Variants in NFATC1 observed in about 807,000 individuals in gnomAD.
NFATC1 encodes the protein nuclear factor of activated T-cells, cytoplasmic 1.
In NFATC1, 22 loss-of-function variants were observed where a neutral mutation model predicts 76.0. That is an observed-to-expected ratio of 0.29 (90% CI 0.21 to 0.41). NFATC1 has a LOEUF of 0.41. Ranked by LOEUF, NFATC1 falls within the 10% of genes least tolerant of loss-of-function variation. The pLI is 1.00. For synonymous variants in NFATC1, 704 were observed against 613.1 expected (o/e 1.15, Z -2.19); for missense variants, 1,357 against 1,337.7 (o/e 1.01, Z -0.23).
chr18:79,461,464 C>G lies in NFATC1; in HGVS notation c.1959+98C>G, dbSNP rs371459845. The G allele has an allele frequency of 4.8e-3, 3,730 of 782,798 alleles. 2 individuals are homozygous for G. Among genetic ancestry groups the G allele is most frequent in the African/African-American group, 0.01 (136 of 13,092 alleles). The allele number at this position is 782,798 out of a possible 1,614,324, so 48.5% of individuals were successfully genotyped here. A position where few individuals can be genotyped will look rare whatever the true frequency, so the allele number is the denominator to read the frequency against. ...CTGCGGGTCCCCAGGCCTTGGGAGG[C>G]TGGGGTTCCTGTTTCTTAGAATGAA... On this transcript the variant is annotated intron_variant, in intron 7 of 9. Transcript: ENST00000427363.
intron 9 of NFATC1, among the ~76,000 whole-genome samples, chr18:79,489,513 G>A (rs959727659): frequency 4.6e-5 from 7 of 152,192 alleles, no homozygotes; most frequent in East Asian, 1.9e-4. Flanking sequence ...GTTTCCCGGC[G>A]TGCTGCCGTC....
At chr18:79,461,577 C>T (rs1023622999) in intron 7 of NFATC1, among the ~76,000 whole-genome samples, 32 of 152,248 alleles carry the variant, frequency 2.1e-4, no homozygotes, top group Non-Finnish European at 3.8e-4. Flanking sequence ...TGTCACCCAA[C>T]GTGTCAGGTC....
intron 8 of NFATC1, among the ~76,000 whole-genome samples, chr18:79,481,048 C>T (rs1269003912): frequency 2.0e-5 from 3 of 152,252 alleles, no homozygotes; most frequent in Non-Finnish European, 2.9e-5. Flanking sequence ...TGCCCACCGG[C>T]GTCTCACTCC....
At chr18:79,526,215 C>T (rs557087734) in intron 9 of NFATC1, among the ~76,000 whole-genome samples, 3 of 152,370 alleles carry the variant, frequency 2.0e-5, no homozygotes, top group Admixed American at 2.0e-4. Flanking sequence ...CCTGCGAGCA[C>T]CTGGGCCCTG....
At chr18:79,501,075 A>G (rs1191691947) in intron 9 of NFATC1, among the ~76,000 whole-genome samples, 1 of 152,174 alleles carries the variant, frequency 6.6e-6, no homozygotes, top group South Asian at 2.1e-4. Context: ...GCAAAAATCC[A>G]CAACAAAATA....
chr18:79,475,212 CGTT>C (rs1363672727), intron 8 of NFATC1, among the ~76,000 whole-genome samples: 52 of 148,962 alleles, frequency 3.5e-4, no homozygotes, highest in South Asian at 1.9e-3. Flanking sequence ...TCACCGTCGA[CGTT>C]GTAAACCTGA....
At chr18:79,503,758 A>G (rs969323411) in intron 9 of NFATC1, among the ~76,000 whole-genome samples, 1 of 152,226 alleles carries the variant, frequency 6.6e-6, no homozygotes, top group Non-Finnish European at 1.5e-5. Flanking sequence ...GGCATCTCCA[A>G]TAGAAGGCTG....
chr18:79,492,986 C>T (rs2089732862), intron 9 of NFATC1, among the ~76,000 whole-genome samples: 1 of 150,006 alleles, frequency 6.7e-6, no homozygotes, highest in African/African-American at 2.5e-5. Context: ...AGTGCTTGAC[C>T]CATAAATAAA....
At chr18:79,427,665 G>A (rs1333607928) in intron 2 of NFATC1, among the ~76,000 whole-genome samples, 4 of 92,606 alleles carry the variant, frequency 4.3e-5, no homozygotes, top group African/African-American at 9.8e-5. Context: ...GCTGGCCTCT[G>A]TGTGGTGTGG....
intron 9 of NFATC1, chr18:79,498,175 T>A (rs1241794425): frequency 6.6e-6 from 1 of 151,374 alleles, no homozygotes; most frequent in East Asian, 2.0e-4. Flanking sequence ...ATATGTCCCA[T>A]CCACAGGAAG....
chr18:79,438,852 T>C (rs1247004142), intron 3 of NFATC1, among the ~76,000 whole-genome samples: 1 of 152,178 alleles, frequency 6.6e-6, no homozygotes, highest in Non-Finnish European at 1.5e-5. Flanking sequence ...TTGGTGGGCC[T>C]CTCCTTCCAT....
chr18:79,443,355 G>A (rs1270679438), intron 3 of NFATC1, among the ~76,000 whole-genome samples: 2 of 152,222 alleles, frequency 1.3e-5, no homozygotes, highest in Admixed American at 6.5e-5. Flanking sequence ...CTAGGAAGAC[G>A]AATCGGTCAG....
chr18:79,477,031 C>G (rs555443037), intron 8 of NFATC1, among the ~76,000 whole-genome samples: 1 of 152,304 alleles, frequency 6.6e-6, no homozygotes, highest in African/African-American at 2.4e-5. Context: ...GCAGATTTAC[C>G]CCATGGTGGG....
intron 9 of NFATC1, among the ~76,000 whole-genome samples, chr18:79,525,953 G>C (rs536583350): frequency 6.6e-6 from 1 of 152,280 alleles, no homozygotes; most frequent in African/African-American, 2.4e-5. Context: ...CAGATGCCAA[G>C]CACAGCAGGG....
intron 8 of NFATC1, among the ~76,000 whole-genome samples, chr18:79,485,683 C>G (rs1288281773): frequency 2.0e-5 from 3 of 152,230 alleles, no homozygotes; most frequent in Non-Finnish European, 4.4e-5. Context: ...CCGGTCACAG[C>G]CTCCACACAG....
At chr18:79,478,863 G>A (rs1039820339) in intron 8 of NFATC1, among the ~76,000 whole-genome samples, 4 of 152,210 alleles carry the variant, frequency 2.6e-5, no homozygotes, top group Non-Finnish European at 5.9e-5. Context: ...GGCATGGGAC[G>A]GGCCCTCCGT....
intron 8 of NFATC1, among the ~76,000 whole-genome samples, chr18:79,477,945 G>A (rs2145004843): frequency 6.6e-6 from 1 of 152,242 alleles, no homozygotes; most frequent in Middle Eastern, 3.4e-3. Context: ...GTTACCTCCT[G>A]CAAACACCAC....
chr18:79,476,330 G>A (rs2089067830), intron 8 of NFATC1, among the ~76,000 whole-genome samples: 2 of 152,270 alleles, frequency 1.3e-5, no homozygotes, highest in Admixed American at 1.3e-4. Flanking sequence ...ACAGCTGCCT[G>A]GGAGCGTGAG....
chr18:79,526,509 G>C (rs1446385495), intron 9 of NFATC1, among the ~76,000 whole-genome samples: 2 of 152,174 alleles, frequency 1.3e-5, no homozygotes, highest in Non-Finnish European at 1.5e-5. Context: ...GCTGCTGGCG[G>C]GGCCGGGCAT....
Sources: gnomAD v4.1 joint callset for allele counts (sites outside exome capture counted in the v4.1 genomes callset) on GRCh38, gnomAD v4.1.1 for gene constraint, MANE v1.5 for transcripts, NCBI Gene and HGNC (gene_info 2026-07-23, HGNC 2026-07-21) for gene names.